Variants in ST18 observed in about 807,000 individuals in gnomAD.
The protein encoded by ST18 is ST18 C2H2C-type zinc finger transcription factor.
In ST18, 50 loss-of-function variants were observed where a neutral mutation model predicts 110.0. The observed-to-expected ratio is 0.45, with a 90% CI of 0.36 to 0.58. The LOEUF (loss-of-function observed/expected upper bound fraction) is 0.58. Among genes scored for constraint, ST18 ranks in the 20% least tolerant of loss-of-function variants. The probability of loss-of-function intolerance (pLI) is 0.00; values close to 1 mark genes in which losing one functional copy is unlikely to be tolerated. For synonymous variants in ST18, 461 were observed against 452.4 expected (o/e 1.02, Z -0.24); for missense variants, 1,306 against 1,280.1 (o/e 1.02, Z -0.31).
In ST18 at chr8:52,196,720, A is replaced by G. The variant is rs189689483; in HGVS notation, c.86+15359T>C. ...TAAACTTTATCATAGGTATGTATGTATAGGAAAAAACATAGTGTATATAGG... is the reference window on the plus strand; with the variant it reads ...TAAACTTTATCATAGGTATGTATGTGTAGGAAAAAACATAGTGTATATAGG... On this transcript the variant is annotated intron_variant, in intron 8 of 25. Coordinates refer to ENST00000689386, the MANE Select transcript of ST18 (RefSeq NM_001352837.2). Among the ~76,000 whole-genome samples the G allele has an allele frequency of 1.3e-3, 198 of 152,306 alleles. 1 individual carries two copies. Among genetic ancestry groups the G allele is most frequent in the Admixed American group, 2.5e-3 (39 of 15,302 alleles).
At chr8:52,127,085 T>G (rs529604365) in intron 22 of ST18, among the ~76,000 whole-genome samples, 1 of 152,202 alleles carries the variant, frequency 6.6e-6, no homozygotes. Context: ...TAGTTACAAC[T>G]CATCTGTAAA....
At chr8:52,257,342 T>C (rs2094557405) in intron 2 of ST18, among the ~76,000 whole-genome samples, 1 of 152,212 alleles carries the variant, frequency 6.6e-6, no homozygotes, top group Non-Finnish European at 1.5e-5. Flanking sequence ...TATATTTAAT[T>C]GTTTGAGGAA....
rs534460759 is a variant in ST18 at position 52,293,034 on chromosome 8, T to G, written c.-464-62957A>C. 3.3e-5 allele frequency among the ~76,000 whole-genome samples: 5 copies of G among 152,376 alleles called. No individual in the cohort carries two copies. The South Asian group carries it at 1.0e-3, about 32-fold the overall frequency. ...GGAAATTAATCGATCGTGAGAATTA[T>G]GTACTTTCTCTCTGGACCTTGAATT... is the stretch of plus-strand genomic sequence containing the variant. On this transcript the variant is annotated intron_variant, in intron 2 of 25. Transcript: ENST00000689386.
chr8:52,116,452 G>A (rs758937463), intron 24 of ST18, 34 bp from the exon 25 acceptor site: 2 of 1,598,380 alleles, frequency 1.3e-6, no homozygotes, highest in East Asian at 2.3e-5. Flanking sequence ...TGTGAGTAGT[G>A]GAGTTTGGAA....
At chr8:52,283,527 A>T (rs995960103) in intron 2 of ST18, among the ~76,000 whole-genome samples, 1 of 151,998 alleles carries the variant, frequency 6.6e-6, no homozygotes, top group Non-Finnish European at 1.5e-5. Context: ...AAGCCCAGTT[A>T]AAAAAAAGAA....
In ST18 at chr8:52,125,938, T is replaced by C. The variant is rs1586388872; in HGVS notation, c.2755+114A>G. On this transcript the variant is annotated intron_variant, in intron 23 of 25. Coordinates refer to ENST00000689386, the MANE Select transcript of ST18 (RefSeq NM_001352837.2). ...TTCAAATCTGAGGAAACCTTTCTTC[T>C]TGTACATTAAAATTATGCTTCCCAC... 8 of 827,186 alleles carry C rather than the reference T, an allele frequency of 9.7e-6. No homozygotes were observed. In the East Asian group the frequency reaches 2.1e-4, roughly 21 times the overall value. The allele number at this position is 827,186 out of a possible 1,614,324, so 51.2% of individuals were successfully genotyped here. A position where few individuals can be genotyped will look rare whatever the true frequency, so the allele number is the denominator to read the frequency against.
At chr8:52,345,931 A>G (rs1817527850) in intron 2 of ST18, among the ~76,000 whole-genome samples, 1 of 152,192 alleles carries the variant, frequency 6.6e-6, no homozygotes, top group Non-Finnish European at 1.5e-5. Context: ...AAAACAAAGA[A>G]AAGTTATACT....
chr8:52,394,419 CA>C (rs754700553), intron 2 of ST18, among the ~76,000 whole-genome samples: 1 of 151,812 alleles, frequency 6.6e-6, no homozygotes, highest in Non-Finnish European at 1.5e-5. Context: ...TCAAAACATA[CA>C]AAAAAAAGTC....
At chr8:52,380,835 C>T (rs1834253789) in intron 2 of ST18, among the ~76,000 whole-genome samples, 1 of 152,172 alleles carries the variant, frequency 6.6e-6, no homozygotes, top group Non-Finnish European at 1.5e-5. Context: ...ATTCAATCAA[C>T]ACCTATTGAC....
intron 10 of ST18, among the ~76,000 whole-genome samples, chr8:52,168,855 T>TA (rs1408897063): frequency 6.6e-6 from 1 of 152,108 alleles, no homozygotes; most frequent in Non-Finnish European, 1.5e-5. Context: ...TCCAAATTCT[T>TA]AAAGTCTGAT....
chr8:52,186,538 A>G (rs1318746026), intron 8 of ST18, among the ~76,000 whole-genome samples: 1 of 152,234 alleles, frequency 6.6e-6, no homozygotes, highest in Non-Finnish European at 1.5e-5. Flanking sequence ...ATGTCTACCC[A>G]TGGCCCAGAA....
intron 2 of ST18, among the ~76,000 whole-genome samples, chr8:52,388,799 A>C (rs1444849910): frequency 5.4e-5 from 6 of 110,306 alleles, no homozygotes; most frequent in South Asian, 3.3e-4. Context: ...GGAACATCAC[A>C]CTCCGGGGAC....
Position 52,278,668 on chromosome 8 carries a change from G to A in ST18, c.-464-48591C>T, listed in dbSNP as rs1397745277. On this transcript the variant is annotated intron_variant, in intron 2 of 25. Coordinates refer to ENST00000689386, the MANE Select transcript of ST18 (RefSeq NM_001352837.2). The stretch of plus-strand genomic sequence containing the variant: ...AGCACACACACAAACAAACACACTT[G>A]CCCTACCAAGAGTAACTGAAAGAAA... Among the ~76,000 whole-genome samples, 4 of 152,216 alleles carry A rather than the reference G, an allele frequency of 2.6e-5. No homozygotes were observed. The East Asian group carries it at 7.7e-4, about 29-fold the overall frequency.
intron 4 of ST18, among the ~76,000 whole-genome samples, 156 bp from the exon 5 acceptor site, chr8:52,221,004 T>A (rs546524033): frequency 3.5e-4 from 54 of 152,336 alleles, no homozygotes; most frequent in Non-Finnish European, 4.6e-4. Flanking sequence ...ATTTTTATAC[T>A]ATGTATCAAT....
At chr8:52,211,395 T>TATG (rs1376830452) in intron 8 of ST18, among the ~76,000 whole-genome samples, 1 of 146,988 alleles carries the variant, frequency 6.8e-6, no homozygotes, top group East Asian at 2.0e-4. Context: ...TTATTATTAT[T>TATG]ATTATTATTA....
intron 2 of ST18, among the ~76,000 whole-genome samples, chr8:52,299,555 G>A (rs1039117980): frequency 1.3e-5 from 2 of 152,130 alleles, no homozygotes; most frequent in Non-Finnish European, 2.9e-5. Flanking sequence ...TGTGCAGCCT[G>A]TGCTTTGCTC....
intron 16 of ST18, among the ~76,000 whole-genome samples, chr8:52,145,301 G>T (rs1393257431): frequency 6.6e-6 from 1 of 151,990 alleles, no homozygotes; most frequent in African/African-American, 2.4e-5. Flanking sequence ...AAGCTTGCAG[G>T]ATATATGTTA....
intron 2 of ST18, among the ~76,000 whole-genome samples, chr8:52,348,879 C>T (rs970961794): frequency 9.9e-5 from 15 of 152,098 alleles, no homozygotes; most frequent in African/African-American, 3.1e-4. Context: ...GAACACAACA[C>T]CCACTGTCTT....
At chr8:52,207,499 AAATT>A (rs1053847074) in intron 8 of ST18, among the ~76,000 whole-genome samples, 1 of 152,202 alleles carries the variant, frequency 6.6e-6, no homozygotes, top group African/African-American at 2.4e-5. Flanking sequence ...CTCAAAAAAT[AAATT>A]AATTAACTAA....
Sources: allele counts gnomAD v4.1 joint callset (sites outside exome capture counted in the v4.1 genomes callset), GRCh38; gene constraint gnomAD v4.1.1; transcripts MANE v1.5; gene names NCBI Gene and HGNC (gene_info 2026-07-23, HGNC 2026-07-21).